Variants in SNTG2 observed in about 807,000 individuals in gnomAD.
SNTG2 encodes gamma-2-syntrophin.
SNTG2 carries 74 observed loss-of-function variants against 70.9 expected under a neutral mutation model. The ratio of observed to expected loss-of-function variants is 1.04; its 90% confidence interval spans 0.86 to 1.27. The LOEUF (loss-of-function observed/expected upper bound fraction) is 1.27. Ranked by LOEUF, SNTG2 falls within the 50% of genes most tolerant of loss-of-function variation. The pLI is 0.00. For synonymous variants in SNTG2, 278 were observed against 273.8 expected (o/e 1.02, Z -0.15); for missense variants, 717 against 690.7 (o/e 1.04, Z -0.43).
intron 1 of SNTG2, among the ~76,000 whole-genome samples, chr2:1,071,791 C>T (rs192829419): frequency 1.1e-4 from 16 of 152,062 alleles, no homozygotes; most frequent in Non-Finnish European, 1.3e-4. Flanking sequence ...AATTAAGAAG[C>T]GCTGCTCCAG....
At chr2:1,318,636 G>A (rs956124212) in intron 16 of SNTG2, among the ~76,000 whole-genome samples, 1 of 152,246 alleles carries the variant, frequency 6.6e-6, no homozygotes, top group African/African-American at 2.4e-5. Flanking sequence ...CACCAGCAAG[G>A]TGGGAACGCG....
In SNTG2 at chr2:1,361,798, C is replaced by G. The variant is rs1289678136; in HGVS notation, c.1489-5545C>G. 2.7e-3 allele frequency among the ~76,000 whole-genome samples: 210 copies of G among 79,014 alleles called. 5 individuals are homozygous for G. The highest frequency in any genetic ancestry group is 6.8e-3 in the Middle Eastern group (1 of 146). The allele number at this position is 79,014 out of a possible 152,430, so 51.8% of individuals were successfully genotyped here. On this transcript the variant is annotated intron_variant, in intron 16 of 16. Coordinates refer to ENST00000308624, the MANE Select transcript of SNTG2 (RefSeq NM_018968.4). ...TCAGTAGAACTTCCATGAAGGTCAC[C>G]GATGCTGAGCATTTCAGTAGAACTT...
chr2:1,031,524 ATATATTTT>A (rs1558325708), intron 1 of SNTG2, among the ~76,000 whole-genome samples: 1 of 45,488 alleles, frequency 2.2e-5, no homozygotes, highest in African/African-American at 1.0e-4. Flanking sequence ...ATATATATAT[ATATATTTT>A]TTTTTTTTTT....
chr2:957,038 T>A (rs1461831100), intron 1 of SNTG2, among the ~76,000 whole-genome samples: 1 of 152,260 alleles, frequency 6.6e-6, no homozygotes, highest in East Asian at 1.9e-4. Flanking sequence ...CAAATGGCTC[T>A]GTCAGTTTGC....
At chr2:1,116,592 CGGTGTTCGGGTGCCCT>C (rs1666991133) in intron 4 of SNTG2, among the ~76,000 whole-genome samples, 2 of 71,630 alleles carry the variant, frequency 2.8e-5, no homozygotes, top group Admixed American at 1.5e-4. Flanking sequence ...ACGGGTGCCC[CGGTGTTCGGGTGCCCT>C]GGTGTGTGGG....
intron 16 of SNTG2, among the ~76,000 whole-genome samples, chr2:1,325,188 AC>A (rs1681709525): frequency 6.6e-6 from 1 of 152,206 alleles, no homozygotes; most frequent in Non-Finnish European, 1.5e-5. Flanking sequence ...AAGTCCTATT[AC>A]AAAAGAAAAT....
chr2:1,281,789 G>A (rs540800787), intron 14 of SNTG2, among the ~76,000 whole-genome samples: 42 of 152,210 alleles, frequency 2.8e-4, no homozygotes, highest in Non-Finnish European at 3.5e-4. Context: ...ACAGACAGGG[G>A]ACCCTTGCCC....
intron 1 of SNTG2, among the ~76,000 whole-genome samples, chr2:955,716 G>C (rs180916357): frequency 2.6e-5 from 4 of 152,206 alleles, no homozygotes; most frequent in Non-Finnish European, 5.9e-5. Context: ...GTTTCTGTTC[G>C]TTGAGCGGGT....
rs759597599 is a variant in SNTG2, at chr2:1,316,382, G to A, written c.1488+7G>A. ...CAAACAGATTGAGACGAAGGTATGC[G>A]GCATGGGGCATGGGTTATTCTGCCA... On this transcript the variant is annotated splice_region_variant and intron_variant, in intron 16 of 16. Transcript: ENST00000308624. 1.8e-5 allele frequency: 25 copies of A among 1,375,598 alleles called. No individual in the cohort carries two copies. Among genetic ancestry groups the A allele is most frequent in the East Asian group, 1.7e-4 (7 of 40,064 alleles). 85.2% of individuals were successfully genotyped at this position (1,375,598 alleles called of 1,614,324 possible).
chr2:1,204,416 A>C (rs1673496012), intron 8 of SNTG2, among the ~76,000 whole-genome samples: 1 of 152,266 alleles, frequency 6.6e-6, no homozygotes, highest in Non-Finnish European at 1.5e-5. Context: ...TTAAACACAA[A>C]GTATTAAAAC....
intron 6 of SNTG2, among the ~76,000 whole-genome samples, chr2:1,164,812 G>A (rs1464595461): frequency 2.6e-5 from 4 of 152,118 alleles, no homozygotes; most frequent in South Asian, 4.2e-4. Context: ...GTAGAGGAGA[G>A]GGCGGGTGGG....
chr2:1,222,442 A>G (rs190451247), intron 9 of SNTG2, among the ~76,000 whole-genome samples: 138 of 152,240 alleles, frequency 9.1e-4, no homozygotes, highest in Non-Finnish European at 1.7e-3. Flanking sequence ...GAAAATGAAC[A>G]GGAGGGGCTT....
intron 8 of SNTG2, among the ~76,000 whole-genome samples, chr2:1,202,889 A>G (rs1362689531): frequency 6.6e-6 from 1 of 152,226 alleles, no homozygotes; most frequent in Non-Finnish European, 1.5e-5. Context: ...TATGGTATGT[A>G]CCTTATAACA....
rs1449175676 is a variant in SNTG2 at position 1,221,993 on chromosome 2, CTG to C, written c.719+12765_719+12766del. On this transcript the variant is annotated intron_variant, in intron 9 of 16. Transcript: ENST00000308624. ...TCTCTGTCTCTGTCTCTCTCTGTCT[CTG>C]TCTCTGTCTCTCTCTGTCTCTCTCT... 4.6e-3 allele frequency among the ~76,000 whole-genome samples: 19 copies of C among 4,152 alleles called. 5 individuals are homozygous for C. Among genetic ancestry groups the C allele is most frequent in the South Asian group, 0.032 (2 of 62 alleles). 2.7% of individuals were successfully genotyped at this position (4,152 alleles called of 152,430 possible).
intron 14 of SNTG2, among the ~76,000 whole-genome samples, chr2:1,279,206 C>G (rs140030556): frequency 1.3e-5 from 2 of 152,228 alleles, no homozygotes; most frequent in African/African-American, 2.4e-5. Context: ...TCTCTTTGAT[C>G]AGATTGACTC....
In SNTG2 at chr2:1,124,387, C is replaced by G. The variant is rs575066652; in HGVS notation, c.326-13235C>G. Among the ~76,000 whole-genome samples, 3 of 151,572 alleles carry G rather than the reference C, an allele frequency of 2.0e-5. No individual in the cohort carries two copies. In the South Asian group the frequency reaches 6.3e-4, roughly 32 times the overall value. The stretch of plus-strand genomic sequence containing the variant: ...TCAGCTCACTACAAGCTCTGCTTCC[C>G]AGGTTCATGCCATTCTCCTGCCTCA... On this transcript the variant is annotated intron_variant, in intron 4 of 16. Coordinates refer to ENST00000308624, the MANE Select transcript of SNTG2 (RefSeq NM_018968.4).
At chr2:1,224,440 C>T (rs139675529) in intron 9 of SNTG2, among the ~76,000 whole-genome samples, 37 of 152,300 alleles carry the variant, frequency 2.4e-4, no homozygotes, top group African/African-American at 7.0e-4. Context: ...GGCTTCCCAG[C>T]CTCCTCATCC....
chr2:1,239,670 C>T, intron 10 of SNTG2, 68 bp from the exon 11 acceptor site: 1 of 1,550,520 alleles, frequency 6.4e-7, no homozygotes, highest in Non-Finnish European at 8.9e-7. Flanking sequence ...TGACTTCCAG[C>T]TGTCACTCAG....
chr2:1,171,903 A>G (rs1423757889), intron 7 of SNTG2, among the ~76,000 whole-genome samples: 1 of 152,188 alleles, frequency 6.6e-6, no homozygotes, highest in Non-Finnish European at 1.5e-5. Context: ...CCTCCAAGCC[A>G]TATCGCATTC....
Sources: allele counts gnomAD v4.1 joint callset (sites outside exome capture counted in the v4.1 genomes callset), GRCh38; gene constraint gnomAD v4.1.1; transcripts MANE v1.5; gene names NCBI Gene and HGNC (gene_info 2026-07-23, HGNC 2026-07-21).